The following DYM variants were observed in gnomAD, a reference collection of about 807,000 sequenced individuals.
DYM encodes dymeclin, also known as dyggve-Melchior-Clausen syndrome protein.
DYM carries 78 observed loss-of-function variants against 93.1 expected under a neutral mutation model. The observed-to-expected ratio is 0.84, with a 90% CI of 0.70 to 1.01. The LOEUF (loss-of-function observed/expected upper bound fraction) is 1.01. DYM is among the 50% of genes least tolerant of loss of function. DYM has a pLI of 0.00. For missense variants in DYM, 789 were observed against 845.0 expected, an observed-to-expected ratio of 0.93 and a Z score of 0.82; for synonymous variants, 321 against 319.7, an observed-to-expected ratio of 1.00 and a Z score of -0.04.
intron 16 of DYM, among the ~76,000 whole-genome samples, chr18:49,105,605 G>T (rs1435514058): frequency 1.3e-5 from 2 of 152,186 alleles, no homozygotes; most frequent in Non-Finnish European, 1.5e-5. Context: ...CTGGTATGTT[G>T]TGTCTTTGTT....
At chr18:49,112,424 T>C (rs1020009444) in intron 16 of DYM, among the ~76,000 whole-genome samples, 32 of 152,156 alleles carry the variant, frequency 2.1e-4, no homozygotes, top group Non-Finnish European at 3.7e-4. Context: ...GGTGGCTACC[T>C]ACCCCTGTGC....
chr18:49,430,510 T>TA lies in DYM; in HGVS notation c.-53-64dup, dbSNP rs2074712929. 9.0e-6 allele frequency: 11 copies of TA among 1,221,368 alleles called. No individual in the cohort carries two copies. The East Asian group carries it at 9.9e-5, about 11-fold the overall frequency. 75.7% of individuals were successfully genotyped at this position (1,221,368 alleles called of 1,614,324 possible). On this transcript the variant is annotated intron_variant, in intron 1 of 17. Transcript: ENST00000675505. ...AAAGTCATCATGCTTTGTCTACCTA[T>TA]AAAAAAACTATAAACTTACTAAAGA...
At chr18:49,132,492 G>A (rs189840621) in intron 15 of DYM, among the ~76,000 whole-genome samples, 1 of 152,122 alleles carries the variant, frequency 6.6e-6, no homozygotes, top group East Asian at 1.9e-4. Flanking sequence ...AAAGGAGGTT[G>A]GGTTCATATG....
intron 8 of DYM, among the ~76,000 whole-genome samples, chr18:49,324,919 A>T (rs921612848): frequency 9.2e-5 from 14 of 152,150 alleles, no homozygotes; most frequent in Non-Finnish European, 5.9e-5. Context: ...ACATAAGGTA[A>T]TGAGATTTTA....
intron 13 of DYM, among the ~76,000 whole-genome samples, chr18:49,248,599 C>A (rs2094218421): frequency 6.6e-6 from 1 of 150,404 alleles, no homozygotes; most frequent in African/African-American, 2.5e-5. Context: ...ACAGTGCTAA[C>A]AATAATATGA....
chr18:49,383,247 T>C (rs565144501), intron 3 of DYM, among the ~76,000 whole-genome samples: 24 of 152,308 alleles, frequency 1.6e-4, no homozygotes, highest in Non-Finnish European at 3.1e-4. Context: ...ACTGAATATT[T>C]TGTGATATTA....
At chr18:49,418,979 GA>G (rs2073328096) in intron 2 of DYM, among the ~76,000 whole-genome samples, 1 of 152,148 alleles carries the variant, frequency 6.6e-6, no homozygotes, top group Non-Finnish European at 1.5e-5. Flanking sequence ...TACTCTCACA[GA>G]TTTACAATGC....
At chr18:49,349,037 G>A (rs776974066) in intron 6 of DYM, among the ~76,000 whole-genome samples, 2 of 151,592 alleles carry the variant, frequency 1.3e-5, no homozygotes, top group Admixed American at 6.6e-5. Context: ...GTGAAAACCC[G>A]TCTCTACTAA....
intron 11 of DYM, among the ~76,000 whole-genome samples, chr18:49,268,311 C>T (rs775325951): frequency 6.6e-6 from 1 of 152,104 alleles, no homozygotes; most frequent in Non-Finnish European, 1.5e-5. Context: ...TCGAGATCAA[C>T]AAGAAAGTCA....
intron 16 of DYM, among the ~76,000 whole-genome samples, chr18:49,105,775 G>A (rs1345247307): frequency 1.3e-5 from 2 of 152,228 alleles, no homozygotes; most frequent in Non-Finnish European, 2.9e-5. Context: ...CTGAGAGACA[G>A]TTTGTTATAA....
chr18:49,289,761 A>ATATATATATACG (rs1568181292), intron 8 of DYM, among the ~76,000 whole-genome samples: 14 of 57,394 alleles, frequency 2.4e-4, no homozygotes, highest in African/African-American at 1.1e-3. Flanking sequence ...ATATATATAT[A>ATATATATATACG]TATATATATA....
At chr18:49,331,769 T>G in intron 8 of DYM, 95 bp downstream of exon 8, 2 of 1,327,326 alleles carry the variant, frequency 1.5e-6, no homozygotes, top group Non-Finnish European at 2.2e-6. Flanking sequence ...TCAATGTAAC[T>G]ATTAATGGTG....
chr18:49,094,778 C>T (rs952150317), intron 17 of DYM, among the ~76,000 whole-genome samples: 21 of 152,184 alleles, frequency 1.4e-4, no homozygotes, highest in African/African-American at 5.1e-4. Flanking sequence ...TGGAAGAATA[C>T]TACTTCTACA....
chr18:49,136,836 C>T (rs560221014), intron 15 of DYM, among the ~76,000 whole-genome samples: 2 of 152,226 alleles, frequency 1.3e-5, no homozygotes, highest in East Asian at 3.9e-4. Context: ...ACCCAACTCC[C>T]TCCTTTCTTC....
intron 3 of DYM, 34 bp from the exon 4 acceptor site, chr18:49,379,792 T>C: frequency 6.6e-7 from 1 of 1,518,958 alleles, no homozygotes; most frequent in Non-Finnish European, 9.1e-7. Context: ...AAAAGTTAAA[T>C]TTAAGAACTA....
At chr18:49,126,006 A>T (rs1437418310) in intron 15 of DYM, among the ~76,000 whole-genome samples, 1 of 152,228 alleles carries the variant, frequency 6.6e-6, no homozygotes, top group African/African-American at 2.4e-5. Flanking sequence ...GATGTCTAGC[A>T]TTTGGATTGT....
At chr18:49,396,192 C>T (rs113046792) in intron 2 of DYM, among the ~76,000 whole-genome samples, 2,166 of 152,240 alleles carry the variant, frequency 0.014, 51 homozygotes, top group African/African-American at 0.049. Context: ...TTATAAATTA[C>T]CCAGCTTCAG....
chr18:49,413,282 G>A (rs1242885627), intron 2 of DYM: 2 of 152,064 alleles, frequency 1.3e-5, no homozygotes, highest in Non-Finnish European at 2.9e-5. Context: ...ACCTTCCTAG[G>A]CCTCAGTTCT....
At chr18:49,315,796 C>A (rs746869096) in intron 8 of DYM, among the ~76,000 whole-genome samples, 1 of 152,090 alleles carries the variant, frequency 6.6e-6, no homozygotes, top group Admixed American at 6.5e-5. Flanking sequence ...TAATCATTGA[C>A]AATCTGAAAA....
Sources: gnomAD v4.1 joint callset for allele counts (sites outside exome capture counted in the v4.1 genomes callset) on GRCh38, gnomAD v4.1.1 for gene constraint, MANE v1.5 for transcripts, NCBI Gene and HGNC (gene_info 2026-07-23, HGNC 2026-07-21) for gene names.